The following THADA variants were observed in gnomAD, a reference collection of about 807,000 sequenced individuals.
THADA encodes the protein THADA armadillo repeat containing.
THADA carries 213 observed loss-of-function variants against 219.8 expected under a neutral mutation model. The ratio of observed to expected loss-of-function variants is 0.97; its 90% confidence interval spans 0.87 to 1.09. The LOEUF is 1.09. THADA is among the 50% of genes least tolerant of loss of function. The probability of loss-of-function intolerance (pLI) is 0.00; values close to 1 mark genes in which losing one functional copy is unlikely to be tolerated. For missense variants in THADA, 2,956 were observed against 2,311.3 expected (o/e 1.28, Z -5.72); for synonymous variants, 1,018 against 828.9 (o/e 1.23, Z -3.92).
chr2:43,409,322 C>A (rs968526270), intron 28 of THADA, among the ~76,000 whole-genome samples: 10 of 151,246 alleles, frequency 6.6e-5, no homozygotes, highest in African/African-American at 1.2e-4. Context: ...TAATAAAGTA[C>A]AAGGAAAGTT....
In THADA at chr2:43,397,858, T is replaced by C. The variant is rs1285565834; in HGVS notation, c.4227+113A>G. 3.5e-6 allele frequency: 4 copies of C among 1,145,546 alleles called. No homozygotes were observed. The Admixed American group carries it at 9.8e-5, about 28-fold the overall frequency. 71.0% of individuals were successfully genotyped at this position (1,145,546 alleles called of 1,614,324 possible). A position where few individuals can be genotyped will look rare whatever the true frequency, so the allele number is the denominator to read the frequency against. ...TTCGGAAGTAGAAAAAAAAAAGTTC[T>C]ACAGATAAAGTTAAGAGGCTGTGTA... On this transcript the variant is annotated intron_variant, in intron 29 of 37. Coordinates refer to ENST00000405975, the MANE Select transcript of THADA (RefSeq NM_022065.5).
At chr2:43,562,597 T>C (rs536315056) in intron 15 of THADA, 276 of 152,304 alleles carry the variant, frequency 1.8e-3, no homozygotes, top group African/African-American at 6.5e-3. Flanking sequence ...CATGGCCTTA[T>C]AAAATGAGGT....
chr2:43,242,613 C>T (rs1357281844), intron 36 of THADA, among the ~76,000 whole-genome samples: 2 of 152,170 alleles, frequency 1.3e-5, no homozygotes, highest in Non-Finnish European at 2.9e-5. Flanking sequence ...ATCTTAGCCT[C>T]CCAAGTAGCT....
At chr2:43,594,133 T>G (rs890595746) in intron 1 of THADA, among the ~76,000 whole-genome samples, 1 of 152,164 alleles carries the variant, frequency 6.6e-6, no homozygotes, top group Admixed American at 6.5e-5. Flanking sequence ...AACAGCTCCC[T>G]AACTGGTCTC....
At chr2:43,372,825 C>T (rs903975970) in intron 29 of THADA, among the ~76,000 whole-genome samples, 3 of 152,118 alleles carry the variant, frequency 2.0e-5, no homozygotes, top group Non-Finnish European at 4.4e-5. Context: ...TCTCAATCTC[C>T]GCAGTAGCTG....
At chr2:43,297,632 T>A (rs1376221135) in intron 31 of THADA, among the ~76,000 whole-genome samples, 1 of 91,286 alleles carries the variant, frequency 1.1e-5, no homozygotes, top group Non-Finnish European at 2.1e-5. Context: ...AGCCCCCCCG[T>A]CCGGGAGGTG....
intron 21 of THADA, among the ~76,000 whole-genome samples, chr2:43,534,346 T>C (rs925645805): frequency 1.3e-5 from 2 of 152,170 alleles, no homozygotes; most frequent in Admixed American, 1.3e-4. Flanking sequence ...ATCCTGCTTC[T>C]AGCTATTTGG....
chr2:43,570,423 T>G lies in THADA; in HGVS notation c.2152A>C (p.Lys718Gln). 1.2e-6 allele frequency: 2 copies of G among 1,613,658 alleles called. No individual in the cohort carries two copies. The highest frequency in any genetic ancestry group is 1.7e-6 in the Non-Finnish European group (2 of 1,179,724). ...TGTAAAGAAACAGAAGGGTGCTGTT[T>G]GGTTAACTCATTCTCTGGTTCACGT... ...SKREPENELT[K>Q]QHPSVSLQQY... Residue 718 changes from lysine (K) to glutamine (Q), a missense_variant, in exon 14 of 38, where the codon AAA (lysine) becomes CAA (glutamine). By Grantham distance (53) the Lys-to-Gln change is moderately conservative. Coordinates refer to ENST00000405975, the MANE Select transcript of THADA (RefSeq NM_022065.5).
chr2:43,420,362 T>A (rs1014851978), intron 28 of THADA, among the ~76,000 whole-genome samples: 3 of 152,244 alleles, frequency 2.0e-5, no homozygotes, highest in African/African-American at 7.2e-5. Context: ...TTACTTTGCA[T>A]CTTACCCAAG....
chr2:43,470,750 G>A (rs17030870), intron 26 of THADA, among the ~76,000 whole-genome samples: 1,528 of 152,258 alleles, frequency 0.01, 9 homozygotes, highest in Non-Finnish European at 0.018. Flanking sequence ...GGGAACAAAA[G>A]TGAAACAGAT....
chr2:43,496,512 C>T (rs1189868307), intron 25 of THADA, among the ~76,000 whole-genome samples: 1 of 152,126 alleles, frequency 6.6e-6, no homozygotes, highest in African/African-American at 2.4e-5. Context: ...ACTTAACATA[C>T]TAACAGCAGA....
intron 31 of THADA, among the ~76,000 whole-genome samples, chr2:43,313,829 T>A (rs1329867211): frequency 1.3e-5 from 2 of 152,344 alleles, no homozygotes; most frequent in South Asian, 2.1e-4. Context: ...GAGTGACTGA[T>A]GTTTCCTGAC....
chr2:43,584,522 G>A (rs1200236134), intron 7 of THADA, among the ~76,000 whole-genome samples: 1 of 152,190 alleles, frequency 6.6e-6, no homozygotes, highest in African/African-American at 2.4e-5. Flanking sequence ...AGTGAAAGAA[G>A]ATGTACAGGT....
At chr2:43,294,035 A>G (rs1303117525) in intron 31 of THADA, among the ~76,000 whole-genome samples, 1 of 152,206 alleles carries the variant, frequency 6.6e-6, no homozygotes, top group Non-Finnish European at 1.5e-5. Flanking sequence ...GACGTGGTCT[A>G]CTGATGGTGG....
chr2:43,381,561 G>A (rs1402554196), intron 29 of THADA, among the ~76,000 whole-genome samples: 1 of 151,368 alleles, frequency 6.6e-6, no homozygotes, highest in Non-Finnish European at 1.5e-5. Flanking sequence ...TGTGATTAAT[G>A]TTAACATCAA....
chr2:43,497,844 C>T (rs1286845306), intron 25 of THADA, among the ~76,000 whole-genome samples: 1 of 152,052 alleles, frequency 6.6e-6, no homozygotes, highest in Non-Finnish European at 1.5e-5. Flanking sequence ...GAGATCACAC[C>T]ACTGCACTCC....
Position 43,396,823 on chromosome 2 carries a change from G to C in THADA, c.4227+1148C>G, listed in dbSNP as rs923936056. ...AAGACCCTGTCTCAAAAAAAAAGAAGAAAGAAAAAAGAAAAAGATAGTTCT... is the reference window on the plus strand; with the variant it reads ...AAGACCCTGTCTCAAAAAAAAAGAACAAAGAAAAAAGAAAAAGATAGTTCT... On this transcript the variant is annotated intron_variant, in intron 29 of 37. Coordinates refer to ENST00000405975, the MANE Select transcript of THADA (RefSeq NM_022065.5). Among the ~76,000 whole-genome samples, 4 of 151,690 alleles carry C rather than the reference G, an allele frequency of 2.6e-5. No homozygotes were observed. In the East Asian group the frequency reaches 7.7e-4, roughly 29 times the overall value.
intron 29 of THADA, among the ~76,000 whole-genome samples, chr2:43,380,577 C>T (rs1273977011): frequency 6.6e-6 from 1 of 152,158 alleles, no homozygotes; most frequent in African/African-American, 2.4e-5. Flanking sequence ...CAGAAATAGA[C>T]ATGTGTGCAT....
intron 31 of THADA, among the ~76,000 whole-genome samples, chr2:43,300,560 G>T (rs1676140558): frequency 6.6e-6 from 1 of 152,144 alleles, no homozygotes; most frequent in Admixed American, 6.6e-5. Flanking sequence ...CTTTCAAGAG[G>T]CAACACAATT....
Sources: allele counts gnomAD v4.1 joint callset (sites outside exome capture counted in the v4.1 genomes callset), GRCh38; gene constraint gnomAD v4.1.1; transcripts MANE v1.5; gene names NCBI Gene and HGNC (gene_info 2026-07-23, HGNC 2026-07-21).